The following ARHGAP22 variants were observed in gnomAD, a reference collection of about 807,000 sequenced individuals.
The protein encoded by ARHGAP22 is Rho GTPase activating protein 22.
In ARHGAP22, 48 loss-of-function variants were observed where a neutral mutation model predicts 59.1. The observed-to-expected ratio is 0.81, with a 90% CI of 0.64 to 1.03. The LOEUF (loss-of-function observed/expected upper bound fraction) is 1.03. Among genes scored for constraint, ARHGAP22 ranks in the 50% least tolerant of loss-of-function variants. The pLI, the probability that ARHGAP22 is intolerant of heterozygous loss-of-function variation, is 0.00. For missense variants in ARHGAP22, 1,015 were observed against 958.7 expected (o/e 1.06, Z -0.78); for synonymous variants, 445 against 416.4 (o/e 1.07, Z -0.84).
intron 1 of ARHGAP22, among the ~76,000 whole-genome samples, chr10:48,594,126 C>G (rs74956900): frequency 6.6e-6 from 1 of 152,212 alleles, no homozygotes; most frequent in Non-Finnish European, 1.5e-5. Context: ...AAGCATCACA[C>G]TAGGCTCTGG....
chr10:48,627,121 C>T (rs1272795018), intron 1 of ARHGAP22, among the ~76,000 whole-genome samples: 1 of 152,204 alleles, frequency 6.6e-6, no homozygotes, highest in Non-Finnish European at 1.5e-5. Context: ...CATGGAAGCT[C>T]CATGCCCCTC....
At chr10:48,646,067 A>C (rs915741531) in intron 1 of ARHGAP22, among the ~76,000 whole-genome samples, 4 of 152,238 alleles carry the variant, frequency 2.6e-5, no homozygotes, top group African/African-American at 9.6e-5. Context: ...CAAAAACTCC[A>C]TAAATGAAAT....
chr10:48,442,674 C>T (rs1401938586), downstream of ARHGAP22, among the ~76,000 whole-genome samples: 2 of 152,138 alleles, frequency 1.3e-5, no homozygotes, highest in Non-Finnish European at 2.9e-5. Flanking sequence ...CTCCTCAGTC[C>T]CTTGTCTCCT....
At chr10:48,453,957 T>G in intron 7 of ARHGAP22, 131 bp downstream of exon 7, 1 of 939,214 alleles carries the variant, frequency 1.1e-6, no homozygotes, top group Non-Finnish European at 1.7e-6. Context: ...CCACGCTGGG[T>G]TGAGGCTGTG....
At chr10:48,449,462 C>T (rs2045681022) in intron 9 of ARHGAP22, among the ~76,000 whole-genome samples, 1 of 152,222 alleles carries the variant, frequency 6.6e-6, no homozygotes. Context: ...GTGGAAATCA[C>T]AGGCTCAGAG....
downstream of ARHGAP22, among the ~76,000 whole-genome samples, chr10:48,441,987 G>A (rs534197562): frequency 6.6e-6 from 1 of 152,300 alleles, no homozygotes; most frequent in African/African-American, 2.4e-5. Flanking sequence ...ATAATGCCTG[G>A]CAAGTAGGTG....
At chr10:48,543,304 G>A (rs989939443) in intron 3 of ARHGAP22, among the ~76,000 whole-genome samples, 4 of 152,148 alleles carry the variant, frequency 2.6e-5, no homozygotes, top group Non-Finnish European at 4.4e-5. Flanking sequence ...TCACTGCCTT[G>A]GGGACAGCCC....
At position 48,450,893 on chromosome 10, in the gene ARHGAP22, C is replaced by G; in HGVS notation, c.1236G>C (p.Pro412=). ...TCTTCCCAGGGCTGCACCGGCTCCC[C>G]GGCCCCGTGGGGGCTGTTCTGGAGA... is the stretch of plus-strand genomic sequence containing the variant. ...AVLSRTAPTG[P]GSRCSPGKKV... Residue 412 remains proline (P), a synonymous_variant, in exon 9 of 10, where the codon CCG becomes CCC. Transcript: ENST00000249601. 3 of 1,588,298 alleles carry G rather than the reference C, an allele frequency of 1.9e-6. No individual in the cohort carries two copies. The highest frequency in any genetic ancestry group is 2.6e-6 in the Non-Finnish European group (3 of 1,168,834).
intron 1 of ARHGAP22, among the ~76,000 whole-genome samples, chr10:48,595,350 G>C (rs748451496): frequency 6.6e-6 from 1 of 152,124 alleles, no homozygotes; most frequent in Non-Finnish European, 1.5e-5. Flanking sequence ...TGGAGGGGCC[G>C]GGAAGAGATG....
chr10:48,584,797 G>T (rs537819173), intron 1 of ARHGAP22, among the ~76,000 whole-genome samples: 1 of 152,080 alleles, frequency 6.6e-6, no homozygotes, highest in Non-Finnish European at 1.5e-5. Flanking sequence ...GATTGAGACC[G>T]TCTTGGCTAA....
intron 2 of ARHGAP22, chr10:48,575,128 A>C (rs1161041819): frequency 6.6e-6 from 1 of 152,212 alleles, no homozygotes; most frequent in Non-Finnish European, 1.5e-5. Context: ...TGCTCTGGCC[A>C]TGTGACATGA....
downstream of ARHGAP22, among the ~76,000 whole-genome samples, chr10:48,442,284 AT>A (rs980068527): frequency 9.2e-5 from 14 of 152,060 alleles, no homozygotes; most frequent in African/African-American, 3.4e-4. Flanking sequence ...TGCTGGGAGG[AT>A]TTGGCGTGTG....
chr10:48,458,158 G>C (rs1216283824), intron 5 of ARHGAP22, among the ~76,000 whole-genome samples: 2 of 152,176 alleles, frequency 1.3e-5, no homozygotes, highest in Non-Finnish European at 2.9e-5. Context: ...TGAGATGGGG[G>C]TGGAGGGACA....
chr10:48,551,036 G>T (rs1016668545), intron 3 of ARHGAP22, among the ~76,000 whole-genome samples: 3 of 152,304 alleles, frequency 2.0e-5, no homozygotes, highest in African/African-American at 7.2e-5. Context: ...ATAGATAGGG[G>T]TTGCTTCTCC....
intron 3 of ARHGAP22, among the ~76,000 whole-genome samples, chr10:48,505,000 G>A (rs1233708798): frequency 6.6e-6 from 1 of 152,042 alleles, no homozygotes; most frequent in Non-Finnish European, 1.5e-5. Flanking sequence ...GGGAGAGGGG[G>A]TGCCCCAAGT....
chr10:48,625,668 A>C (rs1043183506), intron 1 of ARHGAP22, among the ~76,000 whole-genome samples: 3 of 150,532 alleles, frequency 2.0e-5, no homozygotes, highest in Non-Finnish European at 3.0e-5. Context: ...CCCTTTTTGC[A>C]AAGGAAGGGC....
At chr10:48,617,634 T>G (rs1456424914) in intron 1 of ARHGAP22, among the ~76,000 whole-genome samples, 1 of 151,934 alleles carries the variant, frequency 6.6e-6, no homozygotes. Flanking sequence ...TAAAAAACTT[T>G]CTTGTAACAA....
intron 4 of ARHGAP22, among the ~76,000 whole-genome samples, chr10:48,460,746 G>C (rs1188176524): frequency 4.0e-5 from 3 of 75,370 alleles, no homozygotes; most frequent in African/African-American, 1.1e-4. Context: ...AATGAATGGA[G>C]TACCAAGACG....
At chr10:48,506,192 G>A (rs1029225999) in intron 3 of ARHGAP22, among the ~76,000 whole-genome samples, 1 of 152,162 alleles carries the variant, frequency 6.6e-6, no homozygotes, top group African/African-American at 2.4e-5. Context: ...ATATAGTCAG[G>A]CACCGCTTAG....
Sources: allele counts gnomAD v4.1 joint callset (sites outside exome capture counted in the v4.1 genomes callset), GRCh38; gene constraint gnomAD v4.1.1; transcripts MANE v1.5; gene names NCBI Gene and HGNC (gene_info 2026-07-23, HGNC 2026-07-21).